ZBTB44: variants seen among roughly 807,000 people sequenced by gnomAD.
ZBTB44 encodes zinc finger and BTB domain containing 44.
A neutral mutation model predicts 54.0 loss-of-function variants in ZBTB44; 15 were observed. The ratio of observed to expected loss-of-function variants is 0.28; its 90% CI spans 0.19 to 0.43. ZBTB44 has a LOEUF of 0.43. Among genes scored for constraint, ZBTB44 ranks in the 20% least tolerant of loss-of-function variants. ZBTB44 has a pLI of 1.00. For synonymous variants in ZBTB44, 230 were observed against 250.1 expected (o/e 0.92, Z 0.76); for missense variants, 487 against 707.1 (o/e 0.69, Z 3.53).
At chr11:130,232,814 C>G (rs1953928345) in intron 7 of ZBTB44, 1 of 152,208 alleles carries the variant, frequency 6.6e-6, no homozygotes, top group South Asian at 2.1e-4. Flanking sequence ...AGCCTGGGCA[C>G]CATAGTGAGA....
chr11:130,274,345 T>C (rs1259194723), intron 1 of ZBTB44, among the ~76,000 whole-genome samples: 2 of 152,180 alleles, frequency 1.3e-5, no homozygotes. Flanking sequence ...CCAAACTAGA[T>C]GCCTTTTATT....
chr11:130,306,693 C>T (rs1220636421), intron 1 of ZBTB44, among the ~76,000 whole-genome samples: 2 of 151,926 alleles, frequency 1.3e-5, no homozygotes, highest in East Asian at 1.9e-4. Context: ...ATAAAGAAAA[C>T]GTGGTATATT....
intron 1 of ZBTB44, among the ~76,000 whole-genome samples, chr11:130,266,991 C>T (rs918150143): frequency 6.6e-6 from 1 of 152,068 alleles, no homozygotes; most frequent in South Asian, 2.1e-4. Flanking sequence ...TTTAGCTGGG[C>T]GCAATGGCTC....
At chr11:130,241,305 C>T (rs61915089) in intron 2 of ZBTB44, among the ~76,000 whole-genome samples, 3,014 of 152,372 alleles carry the variant, frequency 0.02, 51 homozygotes, top group Middle Eastern at 0.031. Context: ...TCCAGAGTGA[C>T]TGTACTAAAT....
rs1214066373 is a variant in ZBTB44, at chr11:130,236,775, T to C, written c.1568+18A>G. On this transcript the variant is annotated intron_variant, in intron 5 of 7. Coordinates refer to ENST00000357899, the MANE Select transcript of ZBTB44 (RefSeq NM_001301098.2). ...TAGAAAGCAGTTTTCCTGGTTGGGTTTTCGTTGTGCACCTCACCTGCTCTG... is the reference window on the plus strand; with the variant it reads ...TAGAAAGCAGTTTTCCTGGTTGGGTCTTCGTTGTGCACCTCACCTGCTCTG... 3.8e-6 allele frequency: 5 copies of C among 1,322,486 alleles called. No homozygotes were observed. Among genetic ancestry groups the C allele is most frequent in the Non-Finnish European group, 4.8e-6 (5 of 1,037,642 alleles). The allele number at this position is 1,322,486 out of a possible 1,614,324, so 81.9% of individuals were successfully genotyped here.
At chr11:130,236,324 T>C (rs990628865) in intron 5 of ZBTB44, 2 of 1,094,362 alleles carry the variant, frequency 1.8e-6, no homozygotes, top group African/African-American at 3.3e-5. Flanking sequence ...ACACCCACTA[T>C]AGTTGCCTTT....
chr11:130,240,110 C>T (rs755844319), intron 2 of ZBTB44, among the ~76,000 whole-genome samples: 41 of 147,298 alleles, frequency 2.8e-4, no homozygotes, highest in African/African-American at 7.7e-4. Flanking sequence ...GGCGCGATCT[C>T]GGCTCACTGC....
Position 130,261,918 on chromosome 11 carries a change from A to G in ZBTB44, c.-45T>C. 1 of 1,519,800 alleles carries G rather than the reference A, an allele frequency of 6.6e-7. No individual in the cohort carries two copies. The highest frequency in any genetic ancestry group is 8.8e-7 in the Non-Finnish European group (1 of 1,136,504). The allele number at this position is 1,519,800 out of a possible 1,614,324, so 94.1% of individuals were successfully genotyped here. A position where few individuals can be genotyped will look rare whatever the true frequency, so the allele number is the denominator to read the frequency against. On this transcript the variant is annotated 5_prime_UTR_variant, in exon 2 of 8. Coordinates refer to ENST00000357899, the MANE Select transcript of ZBTB44 (RefSeq NM_001301098.2). The surrounding 1 kb of genome is among the most constrained non-coding windows in gnomAD (Gnocchi z 4.8). ...AGATGCTCTTCAAGGATGCAAATAA[A>G]TCAGAAATGTCCTAAAAAATACATA...
At chr11:130,235,801 A>C (rs994728750) in intron 5 of ZBTB44, among the ~76,000 whole-genome samples, 5 of 152,184 alleles carry the variant, frequency 3.3e-5, no homozygotes, top group African/African-American at 4.8e-5. Flanking sequence ...CAGGGGTTCG[A>C]GATCAGACTG....
intron 1 of ZBTB44, among the ~76,000 whole-genome samples, chr11:130,275,363 G>A (rs887374845): frequency 1.3e-5 from 2 of 151,988 alleles, no homozygotes; most frequent in Non-Finnish European, 2.9e-5. Context: ...TTAAAAAATA[G>A]TGACAGGGAT....
At chr11:130,234,896 C>T (rs1231852657) in intron 5 of ZBTB44, among the ~76,000 whole-genome samples, 1 of 152,114 alleles carries the variant, frequency 6.6e-6, no homozygotes, top group Non-Finnish European at 1.5e-5. Flanking sequence ...AATTATTGGT[C>T]CCCACAGGCA....
rs568015459 is a variant in ZBTB44, at chr11:130,241,850, G to A, written c.1019-1954C>T. On this transcript the variant is annotated intron_variant, in intron 2 of 7. Transcript: ENST00000357899. Reference sequence around the variant, plus strand: ...ACCCATTGGAGTTGACTTTGTGACCGAATGTCATGAAAGGTCTGCCTTCTC... The same window carrying A: ...ACCCATTGGAGTTGACTTTGTGACCAAATGTCATGAAAGGTCTGCCTTCTC... 1.6e-3 allele frequency among the ~76,000 whole-genome samples: 241 copies of A among 152,188 alleles called. 5 individuals are homozygous for A. The South Asian group carries it at 0.034, about 22-fold the overall frequency.
chr11:130,273,958 C>T (rs1939868141), intron 1 of ZBTB44, among the ~76,000 whole-genome samples: 1 of 148,508 alleles, frequency 6.7e-6, no homozygotes, highest in Non-Finnish European at 1.5e-5. Flanking sequence ...CGTGGTGGCA[C>T]ATGCCTGTAA....
chr11:130,284,462 C>T (rs564623796), intron 1 of ZBTB44, among the ~76,000 whole-genome samples: 2 of 152,322 alleles, frequency 1.3e-5, no homozygotes, highest in East Asian at 3.9e-4. Flanking sequence ...TAAACCAAGT[C>T]AGTTACTTAA....
intron 1 of ZBTB44, among the ~76,000 whole-genome samples, chr11:130,305,551 C>G (rs1942220636): frequency 6.6e-6 from 1 of 152,152 alleles, no homozygotes; most frequent in African/African-American, 2.4e-5. Flanking sequence ...ATTGGCAAGC[C>G]ACATGTAGAA....
intron 1 of ZBTB44, among the ~76,000 whole-genome samples, chr11:130,276,044 G>A (rs1433443443): frequency 8.6e-5 from 13 of 151,244 alleles, no homozygotes; most frequent in Non-Finnish European, 1.8e-4. Context: ...TGGCTAACAC[G>A]GTGAAACCCC....
chr11:130,245,532 G>A lies in ZBTB44; in HGVS notation c.1019-5636C>T, dbSNP rs148992244. Reference sequence around the variant, plus strand: ...TATTCAGAGCACAGACAGTATTAAAGCGTACAGACAAAGGCTTGCCCCAAA... The same window carrying A: ...TATTCAGAGCACAGACAGTATTAAAACGTACAGACAAAGGCTTGCCCCAAA... On this transcript the variant is annotated intron_variant, in intron 2 of 7. Coordinates refer to ENST00000357899, the MANE Select transcript of ZBTB44 (RefSeq NM_001301098.2). Among the ~76,000 whole-genome samples the A allele has an allele frequency of 7.8e-3, 1,182 of 152,340 alleles. 8 individuals carry two copies. The highest frequency in any genetic ancestry group is 0.018 in the African/African-American group (765 of 41,582).
Position 130,276,751 on chromosome 11 carries a change from G to A in ZBTB44, c.-56-14822C>T, listed in dbSNP as rs186630143. Among the ~76,000 whole-genome samples the A allele has an allele frequency of 3.3e-5, 5 of 152,058 alleles. No individual in the cohort carries two copies. In the East Asian group the frequency reaches 5.8e-4, roughly 18 times the overall value. On this transcript the variant is annotated intron_variant, in intron 1 of 7. Transcript: ENST00000357899. ...GCCTGTTCTATACATTATTAAAAGC[G>A]GTATACTGAAGTCTCCAACTACTAA...
chr11:130,292,605 G>A (rs77648735), intron 1 of ZBTB44, among the ~76,000 whole-genome samples: 2,103 of 152,200 alleles, frequency 0.014, 49 homozygotes, highest in African/African-American at 0.045. Flanking sequence ...TGGGATAAGC[G>A]TATTATTCTT....
Sources: gnomAD v4.1 joint callset for allele counts (sites outside exome capture counted in the v4.1 genomes callset) on GRCh38, gnomAD v4.1.1 for gene constraint, Gnocchi (gnomAD v3.1) non-coding constraint, MANE v1.5 for transcripts, NCBI Gene and HGNC (gene_info 2026-07-23, HGNC 2026-07-21) for gene names.